The following GALNTL6 variants were observed in gnomAD, a reference collection of about 807,000 sequenced individuals.
GALNTL6 encodes the protein polypeptide N-acetylgalactosaminyltransferase like 6, also known as polypeptide N-acetylgalactosaminyltransferase-like 6.
GALNTL6 carries 46 observed loss-of-function variants against 73.7 expected under a neutral mutation model. That is an observed-to-expected ratio of 0.62 (90% CI 0.49 to 0.80). The LOEUF is 0.80. Among genes scored for constraint, GALNTL6 ranks in the 30% least tolerant of loss-of-function variants. GALNTL6 has a pLI of 0.00. For synonymous variants in GALNTL6, 259 were observed against 263.7 expected (o/e 0.98, Z 0.17); for missense variants, 604 against 755.0 (o/e 0.80, Z 2.34).
At chr4:172,056,259 T>G (rs1363093487) in intron 2 of GALNTL6, among the ~76,000 whole-genome samples, 1 of 152,164 alleles carries the variant, frequency 6.6e-6, no homozygotes, top group Non-Finnish European at 1.5e-5. Context: ...ATTTTATCAT[T>G]CAACATTGTG....
chr4:172,194,503 A>G (rs1278363551), intron 2 of GALNTL6, among the ~76,000 whole-genome samples: 1 of 152,218 alleles, frequency 6.6e-6, no homozygotes, highest in African/African-American at 2.4e-5. Context: ...CATAAACTCC[A>G]AGGTTGAAAT....
At chr4:172,277,262 G>C (rs904704777) in intron 3 of GALNTL6, among the ~76,000 whole-genome samples, 1 of 143,676 alleles carries the variant, frequency 7.0e-6, no homozygotes, top group Non-Finnish European at 1.5e-5. Flanking sequence ...AATAAAAAAT[G>C]CAAAAAAAAA....
At chr4:172,998,753 T>A (rs1416870563) in intron 10 of GALNTL6, among the ~76,000 whole-genome samples, 1 of 152,204 alleles carries the variant, frequency 6.6e-6, no homozygotes, top group Admixed American at 6.5e-5. Context: ...GGCTTCTTTA[T>A]GATTTCTTCT....
At chr4:171,922,456 A>T (rs76911809) in intron 2 of GALNTL6, among the ~76,000 whole-genome samples, 1 of 152,106 alleles carries the variant, frequency 6.6e-6, no homozygotes, top group Non-Finnish European at 1.5e-5. Flanking sequence ...ACAATCTGGT[A>T]CTAATAAGAA....
At chr4:172,399,450 G>T (rs1743963312) in intron 5 of GALNTL6, among the ~76,000 whole-genome samples, 1 of 151,424 alleles carries the variant, frequency 6.6e-6, no homozygotes. Context: ...TAATATTTCT[G>T]AATTATCAAG....
At chr4:172,462,020 C>A (rs75909288) in intron 5 of GALNTL6, among the ~76,000 whole-genome samples, 2,395 of 152,246 alleles carry the variant, frequency 0.016, 61 homozygotes, top group African/African-American at 0.052. Context: ...TGAATTTGCT[C>A]TCTCTCCTTG....
intron 2 of GALNTL6, among the ~76,000 whole-genome samples, chr4:171,871,473 C>T (rs1736136040): frequency 6.6e-6 from 1 of 152,100 alleles, no homozygotes; most frequent in Non-Finnish European, 1.5e-5. Context: ...CTTCAATCCT[C>T]AGTGCTTCTT....
At chr4:171,963,205 A>C (rs1336471400) in intron 2 of GALNTL6, among the ~76,000 whole-genome samples, 5 of 152,124 alleles carry the variant, frequency 3.3e-5, no homozygotes, top group Non-Finnish European at 7.4e-5. Context: ...AAAGGAGTGA[A>C]ACTCTCATTT....
In GALNTL6 at chr4:172,487,300, G is replaced by GTCTTTCTT. The variant is rs1212706952; in HGVS notation, c.553+138662_553+138669dup. 2.4e-3 allele frequency among the ~76,000 whole-genome samples: 288 copies of GTCTTTCTT among 118,686 alleles called. 2 individuals carry two copies. Among genetic ancestry groups the GTCTTTCTT allele is most frequent in the African/African-American group, 8.3e-3 (260 of 31,148 alleles). The allele number at this position is 118,686 out of a possible 152,430, so 77.9% of individuals were successfully genotyped here. A position where few individuals can be genotyped will look rare whatever the true frequency, so the allele number is the denominator to read the frequency against. Reference sequence around the variant, plus strand: ...TTTCTTTCTTTCCTTCTTTCCTTCTGTCTTTCTTTCTTTCTTTCTTTCTTT... The same window carrying GTCTTTCTT: ...TTTCTTTCTTTCCTTCTTTCCTTCTGTCTTTCTTTCTTTCTTTCTTTCTTTCTTTCTTT... On this transcript the variant is annotated intron_variant, in intron 5 of 12. Coordinates refer to ENST00000506823, the MANE Select transcript of GALNTL6 (RefSeq NM_001034845.3).
intron 2 of GALNTL6, among the ~76,000 whole-genome samples, chr4:171,986,195 C>T (rs1011486455): frequency 2.0e-5 from 3 of 151,094 alleles, no homozygotes; most frequent in African/African-American, 7.3e-5. Context: ...GGGCTGAGTC[C>T]GAAAAGAGAG....
At chr4:172,696,816 G>GA (rs1421148377) in intron 5 of GALNTL6, among the ~76,000 whole-genome samples, 1 of 151,810 alleles carries the variant, frequency 6.6e-6, no homozygotes, top group Non-Finnish European at 1.5e-5. Context: ...CAGATTAAGA[G>GA]AAAAAAATCA....
Position 172,933,989 on chromosome 4 carries a change from C to G in GALNTL6, c.1149+2721C>G, listed in dbSNP as rs114966265. On this transcript the variant is annotated intron_variant, in intron 9 of 12. Transcript: ENST00000506823. ...ACACAAATGTCTGAACAGCCTTAAA[C>G]AGCCTACTGGTTGGTGTATACTATA... Among the ~76,000 whole-genome samples, 711 of 152,340 alleles carry G rather than the reference C, an allele frequency of 4.7e-3. 7 individuals carry two copies. Among genetic ancestry groups the G allele is most frequent in the African/African-American group, 0.016 (669 of 41,580 alleles).
intron 2 of GALNTL6, among the ~76,000 whole-genome samples, chr4:171,825,184 T>A (rs1420236774): frequency 6.6e-6 from 1 of 152,164 alleles, no homozygotes; most frequent in Non-Finnish European, 1.5e-5. Flanking sequence ...TTCATCTAAC[T>A]TGAGTTTTAA....
chr4:172,126,116 T>C (rs1733286972), intron 2 of GALNTL6, among the ~76,000 whole-genome samples: 1 of 152,134 alleles, frequency 6.6e-6, no homozygotes, highest in African/African-American at 2.4e-5. Context: ...ATAAGAACCA[T>C]TTTATAATTT....
intron 5 of GALNTL6, among the ~76,000 whole-genome samples, chr4:172,579,464 G>A (rs752475355): frequency 2.0e-4 from 31 of 152,114 alleles, no homozygotes; most frequent in African/African-American, 2.7e-4. Context: ...CATTCTGGAG[G>A]CAGAGCTTGT....
At chr4:172,259,741 G>A (rs1472212407) in intron 3 of GALNTL6, among the ~76,000 whole-genome samples, 1 of 151,516 alleles carries the variant, frequency 6.6e-6, no homozygotes, top group Non-Finnish European at 1.5e-5. Flanking sequence ...ATGGTTTCAG[G>A]CCTTAGATTT....
intron 10 of GALNTL6, among the ~76,000 whole-genome samples, chr4:172,967,498 T>A (rs1750386355): frequency 6.6e-6 from 1 of 152,206 alleles, no homozygotes; most frequent in Non-Finnish European, 1.5e-5. Flanking sequence ...TATGCTTTTT[T>A]TTTTGTCAGA....
intron 2 of GALNTL6, among the ~76,000 whole-genome samples, chr4:172,134,744 C>G (rs1733592471): frequency 6.6e-6 from 1 of 152,148 alleles, no homozygotes; most frequent in African/African-American, 2.4e-5. Context: ...ATATTTGAGT[C>G]ATGTAACACA....
intron 2 of GALNTL6, among the ~76,000 whole-genome samples, chr4:171,846,375 A>G (rs1735368239): frequency 6.6e-6 from 1 of 152,162 alleles, no homozygotes; most frequent in African/African-American, 2.4e-5. Flanking sequence ...TCTTCTCCTT[A>G]CATACAATCA....
Sources: gnomAD v4.1 joint callset for allele counts (sites outside exome capture counted in the v4.1 genomes callset) on GRCh38, gnomAD v4.1.1 for gene constraint, MANE v1.5 for transcripts, NCBI Gene and HGNC (gene_info 2026-07-23, HGNC 2026-07-21) for gene names.